SLC25A21: variants seen among roughly 807,000 people sequenced by gnomAD.
The protein encoded by SLC25A21 is mitochondrial 2-oxodicarboxylate carrier.
A neutral mutation model predicts 43.8 loss-of-function variants in SLC25A21; 47 were observed. The ratio of observed to expected loss-of-function variants is 1.07; its 90% CI spans 0.85 to 1.37. The LOEUF is 1.37. SLC25A21 is among the 40% of genes most tolerant of loss of function. The pLI, the probability that SLC25A21 is intolerant of heterozygous loss-of-function variation, is 0.00. For missense variants in SLC25A21, 352 were observed against 350.2 expected (o/e 1.00, Z -0.04); for synonymous variants, 131 against 121.3 (o/e 1.08, Z -0.52).
chr14:37,120,296 C>T (rs1401929158), intron 1 of SLC25A21, among the ~76,000 whole-genome samples: 3 of 152,128 alleles, frequency 2.0e-5, no homozygotes, highest in Admixed American at 2.0e-4. Context: ...AACATTTTGG[C>T]TTTAGACCTT....
chr14:37,147,307 T>C (rs1245655366), intron 1 of SLC25A21, among the ~76,000 whole-genome samples: 2 of 152,238 alleles, frequency 1.3e-5, no homozygotes, highest in Non-Finnish European at 2.9e-5. Flanking sequence ...AATGACTTTA[T>C]ATCTGCCCAT....
intron 1 of SLC25A21, among the ~76,000 whole-genome samples, chr14:37,122,562 TGGTAGTGCTGTA>T (rs755163891): frequency 2.0e-4 from 31 of 152,236 alleles, no homozygotes; most frequent in Non-Finnish European, 4.0e-4. Flanking sequence ...ATGACTCACA[TGGTAGTGCTGTA>T]TACAACCAGA....
At chr14:36,691,325 A>C (rs1882786317) in intron 7 of SLC25A21, among the ~76,000 whole-genome samples, 1 of 152,246 alleles carries the variant, frequency 6.6e-6, no homozygotes, top group South Asian at 2.1e-4. Context: ...GAGTGAATTC[A>C]GAATGCCACC....
chr14:36,771,942 T>A (rs949449778), intron 3 of SLC25A21, among the ~76,000 whole-genome samples: 1 of 152,176 alleles, frequency 6.6e-6, no homozygotes, highest in African/African-American at 2.4e-5. Context: ...TTGGGCCTCA[T>A]CTGTGTCTGA....
chr14:37,032,408 T>C (rs1961234646), intron 1 of SLC25A21, among the ~76,000 whole-genome samples: 1 of 151,978 alleles, frequency 6.6e-6, no homozygotes, highest in Non-Finnish European at 1.5e-5. Context: ...TGGTGGCGTG[T>C]GCCTGTAGTC....
intron 1 of SLC25A21, among the ~76,000 whole-genome samples, chr14:36,948,300 T>C (rs1434414745): frequency 6.6e-6 from 1 of 152,192 alleles, no homozygotes; most frequent in East Asian, 1.9e-4. Flanking sequence ...AATTCTTAGT[T>C]GGTATATAGC....
intron 3 of SLC25A21, among the ~76,000 whole-genome samples, chr14:36,799,169 A>G (rs1377660494): frequency 2.0e-5 from 3 of 152,182 alleles, no homozygotes; most frequent in Admixed American, 6.6e-5. Context: ...ATGGCCATCA[A>G]AAGCCATCAT....
intron 1 of SLC25A21, among the ~76,000 whole-genome samples, chr14:37,088,624 A>G (rs1316865922): frequency 6.6e-6 from 1 of 152,228 alleles, no homozygotes; most frequent in African/African-American, 2.4e-5. Flanking sequence ...ACAAAATTCA[A>G]GCAAAGTCAA....
chr14:36,914,238 A>C (rs1208726953), intron 1 of SLC25A21, among the ~76,000 whole-genome samples: 1 of 152,230 alleles, frequency 6.6e-6, no homozygotes, highest in Non-Finnish European at 1.5e-5. Context: ...AACGAAAATT[A>C]ATAAATGATT....
chr14:36,851,665 T>C (rs977393812), intron 2 of SLC25A21, among the ~76,000 whole-genome samples: 1 of 152,200 alleles, frequency 6.6e-6, no homozygotes, highest in African/African-American at 2.4e-5. Flanking sequence ...AACTGCAAAC[T>C]ATTACTCTCA....
intron 2 of SLC25A21, among the ~76,000 whole-genome samples, chr14:36,868,704 T>C (rs1890283063): frequency 6.6e-6 from 1 of 152,230 alleles, no homozygotes; most frequent in South Asian, 2.1e-4. Context: ...CGACAGTATG[T>C]CAGTCCCCAT....
chr14:36,761,300 G>T (rs1375294638), intron 3 of SLC25A21, among the ~76,000 whole-genome samples: 3 of 152,192 alleles, frequency 2.0e-5, no homozygotes, highest in Non-Finnish European at 2.9e-5. Context: ...CAGATTAGTG[G>T]CCTGCTCTGT....
intron 2 of SLC25A21, among the ~76,000 whole-genome samples, chr14:36,828,882 A>C (rs555476236): frequency 1.3e-4 from 19 of 151,988 alleles, no homozygotes; most frequent in African/African-American, 4.6e-4. Flanking sequence ...GCTCTTCCAG[A>C]TCCACTCTCT....
intron 3 of SLC25A21, among the ~76,000 whole-genome samples, chr14:36,802,383 C>T (rs996829847): frequency 1.3e-4 from 20 of 151,958 alleles, no homozygotes; most frequent in Admixed American, 6.6e-5. Flanking sequence ...TGAATAGTTA[C>T]GAGTAATTGG....
intron 1 of SLC25A21, among the ~76,000 whole-genome samples, chr14:37,000,145 C>G (rs924466078): frequency 1.3e-5 from 2 of 152,168 alleles, no homozygotes; most frequent in African/African-American, 4.8e-5. Flanking sequence ...AAAAACCTTT[C>G]AAGTTTGCCT....
intron 1 of SLC25A21, among the ~76,000 whole-genome samples, chr14:36,912,634 T>C (rs1891722380): frequency 6.6e-6 from 1 of 152,244 alleles, no homozygotes; most frequent in South Asian, 2.1e-4. Context: ...GTTAAGAGTT[T>C]ATACACAAAC....
At chr14:37,134,696 C>G (rs1345057972) in intron 1 of SLC25A21, among the ~76,000 whole-genome samples, 1 of 149,802 alleles carries the variant, frequency 6.7e-6, no homozygotes, top group Admixed American at 6.6e-5. Flanking sequence ...GAAAAGAAAA[C>G]AAACAGCAAC....
intron 2 of SLC25A21, among the ~76,000 whole-genome samples, chr14:36,820,822 G>A (rs565720184): frequency 6.6e-5 from 10 of 152,252 alleles, no homozygotes; most frequent in African/African-American, 2.4e-4. Flanking sequence ...AGAGATTTCC[G>A]TGAATGTGCT....
rs981237719 is a variant in SLC25A21, at chr14:36,684,869, T to A, written c.660A>T (p.Ile220=). Residue 220 remains isoleucine (I), a synonymous_variant, in exon 8 of 10, where the codon ATA becomes ATT. Coordinates refer to ENST00000331299, the MANE Select transcript of SLC25A21 (RefSeq NM_030631.4). ...CAAAAGGGATGTTAATGACTGAGGC[T>A]ATTGTCCCCGAGAGAAGACCAATCC... ...KFGIGLLSGT[I]ASVINIPFDV... is the part of the protein sequence containing the mutation. 6.2e-7 allele frequency: 1 copy of A among 1,614,016 alleles called. No homozygotes were observed. Among genetic ancestry groups the A allele is most frequent in the Admixed American group, 1.7e-5 (1 of 59,994 alleles).
Sources: allele counts gnomAD v4.1 joint callset (sites outside exome capture counted in the v4.1 genomes callset), GRCh38; gene constraint gnomAD v4.1.1; transcripts MANE v1.5; gene names NCBI Gene and HGNC (gene_info 2026-07-23, HGNC 2026-07-21).